The following INPP5A variants were observed in gnomAD, a reference collection of about 807,000 sequenced individuals.
The protein encoded by INPP5A is inositol polyphosphate-5-phosphatase A.
INPP5A carries 14 observed loss-of-function variants against 65.2 expected under a neutral mutation model. The ratio of observed to expected loss-of-function variants is 0.21; its 90% confidence interval spans 0.14 to 0.34. The LOEUF is 0.34. Among genes scored for constraint, INPP5A ranks in the 10% least tolerant of loss-of-function variants. INPP5A has a pLI of 1.00. For synonymous variants in INPP5A, 207 were observed against 208.3 expected (o/e 0.99, Z 0.05); for missense variants, 431 against 545.6 (o/e 0.79, Z 2.09).
At chr10:132,759,714 A>C (rs1031823450) in intron 11 of INPP5A, among the ~76,000 whole-genome samples, 1 of 150,762 alleles carries the variant, frequency 6.6e-6, no homozygotes, top group African/African-American at 2.4e-5. Context: ...CGCCCTCCTC[A>C]CCCTGCAGGA....
intron 8 of INPP5A, among the ~76,000 whole-genome samples, chr10:132,722,666 C>G (rs1845908281): frequency 6.6e-6 from 1 of 152,236 alleles, no homozygotes; most frequent in Non-Finnish European, 1.5e-5. Context: ...TGACGAGCCC[C>G]CCAGCCGTCG....
intron 1 of INPP5A, among the ~76,000 whole-genome samples, chr10:132,591,498 G>A (rs1056428300): frequency 6.6e-5 from 10 of 152,212 alleles, no homozygotes; most frequent in African/African-American, 9.6e-5. Context: ...GCTTTTGTTC[G>A]TTTCCTTCAG....
intron 2 of INPP5A, among the ~76,000 whole-genome samples, chr10:132,625,874 G>C: frequency 7.4e-6 from 1 of 135,784 alleles, no homozygotes; most frequent in African/African-American, 2.8e-5. Context: ...GTGTGTGTGT[G>C]TGTTTGTGTG....
chr10:132,662,969 T>C (rs2072755462), intron 4 of INPP5A, among the ~76,000 whole-genome samples: 1 of 152,144 alleles, frequency 6.6e-6, no homozygotes, highest in South Asian at 2.1e-4. Context: ...CACTTACACG[T>C]ACCTTAGCAC....
chr10:132,782,271 ATAAG>A lies in INPP5A; in HGVS notation c.*244_*247del, dbSNP rs962990828. 6 of 394,032 alleles carry A rather than the reference ATAAG, an allele frequency of 1.5e-5. No individual in the cohort carries two copies. The highest frequency in any genetic ancestry group is 2.2e-5 in the African/African-American group (1 of 46,012). 24.4% of individuals were successfully genotyped at this position (394,032 alleles called of 1,614,324 possible). A position where few individuals can be genotyped will look rare whatever the true frequency, so the allele number is the denominator to read the frequency against. On this transcript the variant is annotated 3_prime_UTR_variant, in exon 16 of 16. Transcript: ENST00000368594. This position sits in a 1 kb window ranked among gnomAD's most constrained non-coding sequence, Gnocchi z 4.4. ...ATTGGTTTTTTTTTTTTTTTTTTAAATAAGTCACAGTCCTGTTGTCAAAACTCTA... is the reference window on the plus strand; with the variant it reads ...ATTGGTTTTTTTTTTTTTTTTTTAAATCACAGTCCTGTTGTCAAAACTCTA...
At chr10:132,632,230 C>T (rs913761999) in intron 2 of INPP5A, among the ~76,000 whole-genome samples, 11 of 152,236 alleles carry the variant, frequency 7.2e-5, no homozygotes, top group African/African-American at 1.4e-4. Flanking sequence ...TGTCCAGGAT[C>T]GTGCAGGCTG....
At chr10:132,737,456 C>T (rs537674390) in intron 9 of INPP5A, among the ~76,000 whole-genome samples, 9 of 151,506 alleles carry the variant, frequency 5.9e-5, no homozygotes, top group East Asian at 3.9e-4. Context: ...CTCCTACTGC[C>T]GTGGACTAAT....
Position 132,782,148 on chromosome 10 carries a change from G to C in INPP5A, c.*119G>C, listed in dbSNP as rs1431015857. 6.7e-6 allele frequency: 10 copies of C among 1,503,220 alleles called. No individual in the cohort carries two copies. Among genetic ancestry groups the C allele is most frequent in the Non-Finnish European group, 9.0e-6 (10 of 1,113,110 alleles). 93.1% of individuals were successfully genotyped at this position (1,503,220 alleles called of 1,614,324 possible). A position where few individuals can be genotyped will look rare whatever the true frequency, so the allele number is the denominator to read the frequency against. On this transcript the variant is annotated 3_prime_UTR_variant, in exon 16 of 16. Coordinates refer to ENST00000368594, the MANE Select transcript of INPP5A (RefSeq NM_005539.5). This position sits in a 1 kb window ranked among gnomAD's most constrained non-coding sequence, Gnocchi z 4.4. ...GAACCCGCCCAAGCGCCACCTGCTA[G>C]ACGGCCAGCCCCACACTTCGCTTCA...
At chr10:132,580,304 A>C (rs1308414628) in intron 1 of INPP5A, among the ~76,000 whole-genome samples, 1 of 151,808 alleles carries the variant, frequency 6.6e-6, no homozygotes, top group Non-Finnish European at 1.5e-5. Flanking sequence ...CGTGATAGTG[A>C]GTGAGTTCTT....
rs546575519 is a variant in INPP5A at position 132,720,649 on chromosome 10, C to T, written c.648-6172C>T. Among the ~76,000 whole-genome samples the T allele has an allele frequency of 8.0e-3, 1,169 of 145,534 alleles. 20 individuals are homozygous for T. Among genetic ancestry groups the T allele is most frequent in the African/African-American group, 0.029 (1,119 of 39,022 alleles). ...CTGGGTTCTGTCTGGGCACCTTAGA[C>T]GGCTGTCTTCAGGGTTCTGTGGTAC... On this transcript the variant is annotated intron_variant, in intron 8 of 15. Transcript: ENST00000368594.
chr10:132,649,445 A>G (rs768125484), intron 3 of INPP5A, among the ~76,000 whole-genome samples: 66 of 152,062 alleles, frequency 4.3e-4, no homozygotes, highest in Non-Finnish European at 1.0e-4. Flanking sequence ...GATGGCAGAC[A>G]TTGCGAATGT....
chr10:132,546,038 G>A lies in INPP5A; in HGVS notation c.75+7867G>A, dbSNP rs959924950. Among the ~76,000 whole-genome samples, 7 of 152,214 alleles carry A rather than the reference G, an allele frequency of 4.6e-5. No homozygotes were observed. Among genetic ancestry groups the A allele is most frequent in the Admixed American group, 6.5e-5 (1 of 15,282 alleles). Reference sequence around the variant, plus strand: ...CAGGTCCTGCTTGTGTACGGGGGCCGGCAGCACCGTTGTGTTGGGATGAGT... The same window carrying A: ...CAGGTCCTGCTTGTGTACGGGGGCCAGCAGCACCGTTGTGTTGGGATGAGT... On this transcript the variant is annotated intron_variant, in intron 1 of 15. Transcript: ENST00000368594. The surrounding 1 kb of genome is among the most constrained non-coding windows in gnomAD (Gnocchi z 5.7).
rs1362543293 is a variant in INPP5A, at chr10:132,537,915, G to A, written c.-182G>A. On this transcript the variant is annotated 5_prime_UTR_variant, in exon 1 of 16. Transcript: ENST00000368594. ...GGGCCGCGGAGCAGCGAGCGAGCGA[G>A]CGAGCGCGAGGCCGGAGCCCCGGCC... 4.6e-6 allele frequency: 1 copy of A among 219,766 alleles called. No homozygotes were observed. Among genetic ancestry groups the A allele is most frequent in the Non-Finnish European group, 8.8e-6 (1 of 113,614 alleles). The allele number at this position is 219,766 out of a possible 1,614,324, so 13.6% of individuals were successfully genotyped here.
At chr10:132,720,771 T>A (rs1477327887) in intron 8 of INPP5A, among the ~76,000 whole-genome samples, 1 of 150,784 alleles carries the variant, frequency 6.6e-6, no homozygotes, top group Admixed American at 6.6e-5. Flanking sequence ...TTGCGGGTTC[T>A]GTGGTACCTG....
intron 2 of INPP5A, among the ~76,000 whole-genome samples, chr10:132,635,634 A>G (rs1415126817): frequency 6.6e-6 from 1 of 150,740 alleles, no homozygotes; most frequent in Non-Finnish European, 1.5e-5. Flanking sequence ...TGACCTCGTG[A>G]CCCGCCCTCC....
At position 132,704,962 on chromosome 10, in the gene INPP5A, CGTCTGG is replaced by C. The variant is rs1845510913; in HGVS notation, c.475-3350_475-3345del. ...TGGAGTGTGGAGGATGGAGGAAGGG[CGTCTGG>C]ACAGGCGGCAGGCAGCTCCTCTGGA... On this transcript the variant is annotated intron_variant, in intron 6 of 15. Transcript: ENST00000368594. The surrounding 1 kb of genome is among the most constrained non-coding windows in gnomAD (Gnocchi z 4.5). Among the ~76,000 whole-genome samples the C allele has an allele frequency of 6.7e-6, 1 of 150,024 alleles. No individual in the cohort carries two copies. The highest frequency in any genetic ancestry group is 2.5e-5 in the African/African-American group (1 of 40,780).
intron 1 of INPP5A, among the ~76,000 whole-genome samples, chr10:132,594,751 G>A (rs764646893): frequency 2.0e-5 from 3 of 152,114 alleles, no homozygotes; most frequent in Non-Finnish European, 4.4e-5. Context: ...AGTTGTAGCA[G>A]CTCTTCCTGA....
rs1296715105 is a variant in INPP5A, at chr10:132,627,660, A to G, written c.118-18208A>G. On this transcript the variant is annotated intron_variant, in intron 2 of 15. Transcript: ENST00000368594. This position sits in a 1 kb window ranked among gnomAD's most constrained non-coding sequence, Gnocchi z 6.6. ...GAATCGTGGTGAAAGCAGCGAGCAC[A>G]GTGTGGTCCGGGGCTGGGGGTGTGA... Among the ~76,000 whole-genome samples the G allele has an allele frequency of 1.3e-5, 2 of 152,248 alleles. No homozygotes were observed. Among genetic ancestry groups the G allele is most frequent in the Middle Eastern group, 3.4e-3 (1 of 294 alleles).
At chr10:132,691,106 G>C (rs868736088) in intron 5 of INPP5A, among the ~76,000 whole-genome samples, 6 of 152,254 alleles carry the variant, frequency 3.9e-5, no homozygotes, top group East Asian at 1.9e-4. Context: ...TAGTAACTGT[G>C]GAGCCACAAA....
Sources: allele counts gnomAD v4.1 joint callset (sites outside exome capture counted in the v4.1 genomes callset), GRCh38; gene constraint gnomAD v4.1.1; non-coding constraint Gnocchi (gnomAD v3.1); transcripts MANE v1.5; gene names NCBI Gene and HGNC (gene_info 2026-07-23, HGNC 2026-07-21).